PLEC: variants seen among roughly 807,000 people sequenced by gnomAD.
PLEC encodes the protein plectin.
PLEC carries 216 observed loss-of-function variants against 392.8 expected under a neutral mutation model. The ratio of observed to expected loss-of-function variants is 0.55; its 90% confidence interval spans 0.49 to 0.62. The LOEUF is 0.62. PLEC is among the 20% of genes least tolerant of loss of function. PLEC has a pLI of 0.00. For missense variants in PLEC, 6,863 were observed against 6,563.4 expected (o/e 1.05, Z -1.58); for synonymous variants, 3,621 against 2,980.6 (o/e 1.21, Z -7.00).
At position 143,969,504 on chromosome 8, in the gene PLEC, CAT is replaced by C. The variant is rs1166319971; in HGVS notation, c.70+3897_70+3898del. Among the ~76,000 whole-genome samples, 65 of 152,346 alleles carry C rather than the reference CAT, an allele frequency of 4.3e-4. No individual in the cohort carries two copies. The highest frequency in any genetic ancestry group is 1.5e-3 in the African/African-American group (63 of 41,580). ...CCCCCAAGCCTGGCCTGTGACAGCT[CAT>C]AGAGGCTGGGCCGTCCTGCCACACC... is the stretch of plus-strand genomic sequence containing the variant. On this transcript the variant is annotated intron_variant, in intron 1 of 31. Transcript: ENST00000356346. This position sits in a 1 kb window ranked among gnomAD's most constrained non-coding sequence, Gnocchi z 5.1.
At position 143,918,079 on chromosome 8, in the gene PLEC, G is replaced by A; in HGVS notation, c.11742C>T (p.Gly3914=). ...DEATALQLRE[G]LTSIEEVTKN... ...TGGTGACCTCCTCGATGGAGGTCAG[G>A]CCCTCCCGCAGCTGCAGCGCCGTGG... The change falls in exon 32 of 32, where the codon GGC becomes GGT. Residue 3914 remains glycine, a synonymous_variant. Transcript: ENST00000345136. 2 of 1,597,794 alleles carry A rather than the reference G, an allele frequency of 1.3e-6. No individual in the cohort carries two copies. Among genetic ancestry groups the A allele is most frequent in the South Asian group, 1.1e-5 (1 of 89,784 alleles).
At chr8:143,952,566 C>CACTG (rs1336371443), upstream of PLEC, among the ~76,000 whole-genome samples, 11 of 152,042 alleles carry the variant, frequency 7.2e-5, no homozygotes, top group African/African-American at 2.4e-4. Flanking sequence ...CACCCCCCCA[C>CACTG]ACTGACCTCC....
intron 1 of PLEC, among the ~76,000 whole-genome samples, chr8:143,968,612 G>C (rs1283387597): frequency 9.3e-5 from 14 of 150,562 alleles, no homozygotes; most frequent in Non-Finnish European, 3.0e-5. Context: ...TCATATTTCT[G>C]ATAAAGGACT....
At chr8:143,975,968 G>A (rs1192823384), upstream of PLEC, among the ~76,000 whole-genome samples, 2 of 152,128 alleles carry the variant, frequency 1.3e-5, no homozygotes, top group East Asian at 1.9e-4. This position sits in a 1 kb window ranked among gnomAD's most constrained non-coding sequence, Gnocchi z 9.9. Flanking sequence ...CATCAGGGAA[G>A]GACACCCAAG....
chr8:143,917,873 A>T lies in PLEC; in HGVS notation c.11948T>A (p.Leu3983Gln). 1 of 1,613,104 alleles carries T rather than the reference A, an allele frequency of 6.2e-7. No individual in the cohort carries two copies. The highest frequency in any genetic ancestry group is 8.5e-7 in the Non-Finnish European group (1 of 1,179,944). ...TGYVIDPIKG[L>Q]KLTVEEAVRM... The stretch of plus-strand genomic sequence containing the variant: ...CACAGCCTCCTCCACCGTCAGCTTC[A>T]GTCCCTTGATGGGGTCGATGACGTA... Residue 3983 changes from leucine (L) to glutamine (Q), a missense_variant, in exon 32 of 32, where the codon CTG becomes CAG. Transcript: ENST00000345136.
Position 143,925,584 on chromosome 8 carries a change from G to A in PLEC, c.4345C>T (p.Arg1449Cys), listed in dbSNP as rs782348767. 1.6e-5 allele frequency: 25 copies of A among 1,573,932 alleles called. No homozygotes were observed. The highest frequency in any genetic ancestry group is 5.4e-5 in the African/African-American group (4 of 74,196). Residue 1449 changes from arginine to cysteine, a missense_variant, in exon 31 of 32, where the codon CGC becomes TGC. Arg to Cys is a radical substitution (Grantham distance 180, BLOSUM62 -3). Transcript: ENST00000345136. ...QAEAAERSRL[R>C]IEEEIRVVRL... Reference sequence around the variant, plus strand: ...ACCACGCGGATCTCCTCCTCGATGCGCAGCCGGCTGCGCTCAGCCGCCTCT... The same window carrying A: ...ACCACGCGGATCTCCTCCTCGATGCACAGCCGGCTGCGCTCAGCCGCCTCT...
rs1554744906 is a variant in PLEC at position 143,973,369 on chromosome 8, G to A, written c.70+34C>T. ...GTGCTCGGCGGCTGGGCTGTCAGGA[G>A]CGGCCCGACAGGCAGCGGGACGGGG... is the stretch of plus-strand genomic sequence containing the variant. On this transcript the variant is annotated intron_variant, in intron 1 of 31. Coordinates refer to the PLEC transcript ENST00000356346. This position sits in a 1 kb window ranked among gnomAD's most constrained non-coding sequence, Gnocchi z 5.6. The A allele has an allele frequency of 6.4e-7, 1 of 1,553,534 alleles. No individual in the cohort carries two copies. Among genetic ancestry groups the A allele is most frequent in the Admixed American group, 1.9e-5 (1 of 52,990 alleles).
At chr8:143,971,720 C>T (rs1250658811) in intron 1 of PLEC, among the ~76,000 whole-genome samples, 2 of 152,182 alleles carry the variant, frequency 1.3e-5, no homozygotes, top group Non-Finnish European at 2.9e-5. Flanking sequence ...TAGCCACTCT[C>T]AGGCCAGTGC....
intron 1 of PLEC, among the ~76,000 whole-genome samples, chr8:143,961,927 C>A (rs1832889342): frequency 6.6e-6 from 1 of 152,192 alleles, no homozygotes; most frequent in African/African-American, 2.4e-5. Context: ...CCACCTCAGG[C>A]TCCCAAAGTG....
Position 143,929,261 on chromosome 8 carries a change from C to T in PLEC, c.3102G>A (p.Glu1034=), listed in dbSNP as rs1364847514. The T allele has an allele frequency of 1.4e-5, 23 of 1,601,464 alleles. No homozygotes were observed. Among genetic ancestry groups the T allele is most frequent in the Non-Finnish European group, 1.9e-5 (23 of 1,179,568 alleles). Residue 1034 remains glutamate, a synonymous_variant, in exon 25 of 32, where the codon GAG becomes GAA. Coordinates refer to ENST00000345136, the MANE Select transcript of PLEC (RefSeq NM_201384.3). ...GCCGGGCGACCCCCTTGCCCAGCCCCTCCACCTCTGCCTGTGCCTTCTGCA... is the reference window on the plus strand; with the variant it reads ...GCCGGGCGACCCCCTTGCCCAGCCCTTCCACCTCTGCCTGTGCCTTCTGCA... The part of the protein sequence containing the change: ...AEQQKAQAEV[E]GLGKGVARLS...
At chr8:143,971,803 C>A (rs1251834868) in intron 1 of PLEC, among the ~76,000 whole-genome samples, 1 of 152,198 alleles carries the variant, frequency 6.6e-6, no homozygotes, top group African/African-American at 2.4e-5. Context: ...CCCCTGCCCC[C>A]TCACCAGCCT....
At chr8:143,940,002 C>T (rs1830138337), upstream of PLEC, among the ~76,000 whole-genome samples, 1 of 152,244 alleles carries the variant, frequency 6.6e-6, no homozygotes, top group Admixed American at 6.5e-5. Flanking sequence ...GCTTCAGCCT[C>T]TGCCCACCCA....
upstream of PLEC, among the ~76,000 whole-genome samples, chr8:143,957,382 C>A (rs782766809): frequency 1.5e-4 from 23 of 152,180 alleles, no homozygotes; most frequent in Non-Finnish European, 2.9e-4. Context: ...CTCACCAGCA[C>A]CAGTGCCTCC....
chr8:143,966,792 G>A (rs1747751379), intron 1 of PLEC, among the ~76,000 whole-genome samples: 2 of 152,154 alleles, frequency 1.3e-5, no homozygotes. Flanking sequence ...TTGGTGGAAG[G>A]GGAGATGTTT....
At position 143,935,038 on chromosome 8, in the gene PLEC, C is replaced by T. The variant is rs201729389; in HGVS notation, c.798G>A (p.Pro266=). The change falls in exon 8 of 32, where the codon CCG becomes CCA. Residue 266 remains proline (P), a synonymous_variant. Coordinates refer to ENST00000345136, the MANE Select transcript of PLEC (RefSeq NM_201384.3). ...SSLYDAMPRV[P]DVQDGVRANE... ...TGGCCCTCACCCCATCCTGCACGTC[C>T]GGCACGCGGGGCATGGCGTCATACA... is the stretch of plus-strand genomic sequence containing the variant. 62 of 1,612,748 alleles carry T rather than the reference C, an allele frequency of 3.8e-5. 1 individual carries two copies. The highest frequency in any genetic ancestry group is 1.6e-4 in the Middle Eastern group (1 of 6,062).
upstream of PLEC, among the ~76,000 whole-genome samples, chr8:143,953,448 C>CCCGCCGCCGCCGCCG (rs1174485406): frequency 2.6e-5 from 4 of 150,980 alleles, no homozygotes; most frequent in African/African-American, 9.8e-5. Flanking sequence ...CTGTCCCCGC[C>CCCGCCGCCGCCGCCG]CCGCCGCCGC....
At chr8:143,961,744 T>A (rs550536662) in intron 1 of PLEC, among the ~76,000 whole-genome samples, 3 of 152,352 alleles carry the variant, frequency 2.0e-5, no homozygotes, top group Admixed American at 6.5e-5. Flanking sequence ...GTAAAAGAAG[T>A]TACTTATGTC....
upstream of PLEC, among the ~76,000 whole-genome samples, chr8:143,951,528 A>G (rs1391765570): frequency 6.6e-6 from 1 of 151,954 alleles, no homozygotes; most frequent in East Asian, 1.9e-4. Flanking sequence ...TCAAGTTAAC[A>G]CTTCCCATTC....
chr8:143,951,338 G>A (rs375632100), upstream of PLEC, among the ~76,000 whole-genome samples: 7 of 152,086 alleles, frequency 4.6e-5, no homozygotes, highest in East Asian at 1.9e-4. Context: ...AGGCTTGAGC[G>A]GAGAGGACTA....
Sources: allele counts gnomAD v4.1 joint callset (sites outside exome capture counted in the v4.1 genomes callset), GRCh38; gene constraint gnomAD v4.1.1; non-coding constraint Gnocchi (gnomAD v3.1); transcripts MANE v1.5; gene names NCBI Gene and HGNC (gene_info 2026-07-23, HGNC 2026-07-21).